Variants in ARFGEF1 observed in about 807,000 individuals in gnomAD.
ARFGEF1 encodes the protein brefeldin A-inhibited guanine nucleotide-exchange protein 1.
A neutral mutation model predicts 231.0 loss-of-function variants in ARFGEF1; 42 were observed. The ratio of observed to expected loss-of-function variants is 0.18; its 90% confidence interval spans 0.14 to 0.24. The LOEUF (loss-of-function observed/expected upper bound fraction) is 0.24. Ranked by LOEUF, ARFGEF1 falls within the 10% of genes least tolerant of loss-of-function variation. The pLI is 1.00. For synonymous variants in ARFGEF1, 710 were observed against 732.3 expected (o/e 0.97, Z 0.49); for missense variants, 1,345 against 2,192.0 (o/e 0.61, Z 7.72).
intron 1 of ARFGEF1, among the ~76,000 whole-genome samples, chr8:67,307,361 CA>C (rs1362955135): frequency 2.2e-4 from 34 of 152,140 alleles, no homozygotes; most frequent in African/African-American, 8.0e-4. Flanking sequence ...GACTGCAAAA[CA>C]AAAGTTCAGT....
chr8:67,173,637 GTCTT>G (rs1405497958), downstream of ARFGEF1: 1 of 151,666 alleles, frequency 6.6e-6, no homozygotes, highest in Non-Finnish European at 1.5e-5. Context: ...ATGTTTTCTA[GTCTT>G]TCTGAGCATA....
At chr8:67,226,211 A>G (rs2128871248) in intron 27 of ARFGEF1, 28 bp from the exon 28 acceptor site, 2 of 1,484,870 alleles carry the variant, frequency 1.3e-6, no homozygotes, top group East Asian at 5.0e-5. Context: ...ATATATTACT[A>G]TAATTTTTCA....
chr8:67,239,502 T>C (rs1839866848), intron 20 of ARFGEF1, among the ~76,000 whole-genome samples: 2 of 152,116 alleles, frequency 1.3e-5, no homozygotes, highest in South Asian at 4.1e-4. Context: ...GGTGTCAAAT[T>C]GAGATTTTTA....
intron 1 of ARFGEF1, among the ~76,000 whole-genome samples, chr8:67,318,590 T>A (rs1027119474): frequency 1.3e-5 from 2 of 152,152 alleles, no homozygotes; most frequent in East Asian, 3.9e-4. Context: ...CTCTAAGAAC[T>A]CATAAATGAA....
chr8:67,294,509 G>T (rs1003290014), intron 5 of ARFGEF1, among the ~76,000 whole-genome samples: 2 of 152,106 alleles, frequency 1.3e-5, no homozygotes, highest in African/African-American at 4.8e-5. Flanking sequence ...TAGTAAATTT[G>T]TTTCTCACAC....
At position 67,275,913 on chromosome 8, in the gene ARFGEF1, C is replaced by A. The variant is rs920445556; in HGVS notation, c.1337+63G>T. Reference sequence around the variant, plus strand: ...AGAACAAAAGAAAATCCAAACATTACCTTAACAGTAAGTTTCAAGCCTAAA... The same window carrying A: ...AGAACAAAAGAAAATCCAAACATTAACTTAACAGTAAGTTTCAAGCCTAAA... On this transcript the variant is annotated intron_variant, in intron 9 of 38. Coordinates refer to ENST00000262215, the MANE Select transcript of ARFGEF1 (RefSeq NM_006421.5). The A allele has an allele frequency of 5.0e-6, 8 of 1,591,046 alleles. No homozygotes were observed. In the Admixed American group the frequency reaches 1.0e-4, roughly 21 times the overall value.
rs1461552161 is a variant in ARFGEF1, at chr8:67,216,595, G to A, written c.4681C>T (p.Pro1561Ser). Residue 1561 changes from proline to serine, a missense_variant, in exon 33 of 39, where the codon CCA (proline) becomes TCA (serine). Around this residue, in one of 14 missense-constraint regions of ARFGEF1, gnomAD observed 89 missense variants for 74.8 expected, o/e 1.19. Coordinates refer to ENST00000262215, the MANE Select transcript of ARFGEF1 (RefSeq NM_006421.5). ...CTTTACTGATTAAAACTTACCAATGGCTTTTCACTTACAGGAGATGGAGGT... is the reference window on the plus strand; with the variant it reads ...CTTTACTGATTAAAACTTACCAATGACTTTTCACTTACAGGAGATGGAGGT... Reference protein sequence around the residue: ...PPPPSPVSEKPLDTISQKSVD... With the variant: ...PPPPSPVSEKSLDTISQKSVD... The A allele has an allele frequency of 1.9e-6, 3 of 1,601,648 alleles. No individual in the cohort carries two copies. The highest frequency in any genetic ancestry group is 2.6e-6 in the Non-Finnish European group (3 of 1,176,428).
At chr8:67,183,615 T>C (rs1833587988) in intron 5 of ARFGEF1, among the ~76,000 whole-genome samples, 1 of 152,056 alleles carries the variant, frequency 6.6e-6, no homozygotes, top group East Asian at 1.9e-4. Context: ...AAAATGAAAA[T>C]ACAACTTCTC....
chr8:67,177,846 T>G (rs1586768284), intron 5 of ARFGEF1: 1 of 767,556 alleles, frequency 1.3e-6, no homozygotes, highest in African/African-American at 1.7e-5. Context: ...AGAACGTAAG[T>G]CTTATCAGTA....
chr8:67,336,679 A>G (rs1323718526), intron 1 of ARFGEF1, among the ~76,000 whole-genome samples: 1 of 152,080 alleles, frequency 6.6e-6, no homozygotes. Context: ...TTAAAAGGAC[A>G]CCATTCACTG....
chr8:67,261,796 G>T (rs964813395), intron 14 of ARFGEF1, among the ~76,000 whole-genome samples: 5 of 149,588 alleles, frequency 3.3e-5, no homozygotes, highest in Non-Finnish European at 5.9e-5. Context: ...GAGCCACCGT[G>T]CCCTTTCCTC....
chr8:67,190,031 A>C (rs1835782209), intron 5 of ARFGEF1, among the ~76,000 whole-genome samples: 1 of 152,206 alleles, frequency 6.6e-6, no homozygotes, highest in African/African-American at 2.4e-5. Flanking sequence ...AGTTCCTCAA[A>C]ATGCAGAGTA....
intron 21 of ARFGEF1, 57 bp downstream of exon 21, chr8:67,238,678 T>C (rs1205244147): frequency 2.5e-6 from 4 of 1,573,576 alleles, no homozygotes; most frequent in Non-Finnish European, 3.5e-6. Flanking sequence ...GATGGACTAT[T>C]TAGCATTAGC....
intron 1 of ARFGEF1, among the ~76,000 whole-genome samples, chr8:67,303,568 A>T (rs1806598155): frequency 6.6e-6 from 1 of 152,048 alleles, no homozygotes; most frequent in Non-Finnish European, 1.5e-5. Flanking sequence ...AAAATTAGCC[A>T]GGCGTGCTGG....
At chr8:67,213,303 C>T (rs533463108) in intron 33 of ARFGEF1, among the ~76,000 whole-genome samples, 1 of 152,252 alleles carries the variant, frequency 6.6e-6, no homozygotes, top group Non-Finnish European at 1.5e-5. Flanking sequence ...GAGAACAGTA[C>T]AAATTTGAAA....
At chr8:67,260,921 G>A (rs1031983355) in intron 14 of ARFGEF1, among the ~76,000 whole-genome samples, 2 of 152,210 alleles carry the variant, frequency 1.3e-5, no homozygotes, top group African/African-American at 2.4e-5. Context: ...AGGTTTTCAC[G>A]TGTGAAAAGA....
chr8:67,220,232 CCTTA>C lies in ARFGEF1; in HGVS notation c.4209-676_4209-673del, dbSNP rs151224369. Among the ~76,000 whole-genome samples the C allele has an allele frequency of 5.4e-3, 830 of 152,348 alleles. 9 individuals are homozygous for C. The highest frequency in any genetic ancestry group is 0.018 in the African/African-American group (757 of 41,574). ...GAAACTCAAAACTTCCGTCTTCATT[CCTTA>C]CTGTTTCTTGAAATAATACTTTTAT... is the stretch of plus-strand genomic sequence containing the variant. On this transcript the variant is annotated intron_variant, in intron 29 of 38. Coordinates refer to ENST00000262215, the MANE Select transcript of ARFGEF1 (RefSeq NM_006421.5).
rs1587218025 is a variant in ARFGEF1, at chr8:67,284,650, T to G, written c.1027+3305A>C. ...CAATGTAGGAAACGGAAGATACAAA[T>G]AGAAAGTACAGAAAGATGAGGAGCA... On this transcript the variant is annotated intron_variant, in intron 7 of 38. Coordinates refer to ENST00000262215, the MANE Select transcript of ARFGEF1 (RefSeq NM_006421.5). Among the ~76,000 whole-genome samples, 3 of 152,224 alleles carry G rather than the reference T, an allele frequency of 2.0e-5. 1 individual carries two copies. The highest frequency in any genetic ancestry group is 2.0e-4 in the Admixed American group (3 of 15,290).
intron 15 of ARFGEF1, among the ~76,000 whole-genome samples, chr8:67,258,895 C>T (rs1056659449): frequency 1.3e-5 from 2 of 151,014 alleles, no homozygotes; most frequent in African/African-American, 4.9e-5. Flanking sequence ...GTTCCAGGAC[C>T]CTGCATGGAC....
Sources: gnomAD v4.1 joint callset for allele counts (sites outside exome capture counted in the v4.1 genomes callset) on GRCh38, gnomAD v4.1.1 for gene constraint, gnomAD v4.1.1 regional missense constraint, MANE v1.5 for transcripts, NCBI Gene and HGNC (gene_info 2026-07-23, HGNC 2026-07-21) for gene names.